The following TAF4B variants were observed in gnomAD, a reference collection of about 807,000 sequenced individuals.
TAF4B encodes the protein TATA-box binding protein associated factor 4b, also known as transcription initiation factor TFIID subunit 4B.
Under a neutral mutation model 86.4 loss-of-function variants are expected in TAF4B, and 38 were observed. The ratio of observed to expected loss-of-function variants is 0.44; its 90% CI spans 0.34 to 0.58. TAF4B has a LOEUF of 0.58. Among genes scored for constraint, TAF4B ranks in the 20% least tolerant of loss-of-function variants. The pLI is 0.02. For synonymous variants in TAF4B, 388 were observed against 391.2 expected, an observed-to-expected ratio of 0.99 and a Z score of 0.10; for missense variants, 988 against 1,027.6, an observed-to-expected ratio of 0.96 and a Z score of 0.53.
chr18:26,282,650 CTTAAA>C (rs1385990867), intron 6 of TAF4B, among the ~76,000 whole-genome samples: 3 of 152,166 alleles, frequency 2.0e-5, no homozygotes, highest in Non-Finnish European at 2.9e-5. Context: ...GTGGCAATGT[CTTAAA>C]TTAAGACAAC....
intron 13 of TAF4B, among the ~76,000 whole-genome samples, chr18:26,337,614 G>C (rs967104776): frequency 6.6e-6 from 1 of 151,746 alleles, no homozygotes; most frequent in Admixed American, 6.6e-5. Flanking sequence ...GTAGAGATGG[G>C]GTTTCACTAT....
intron 13 of TAF4B, among the ~76,000 whole-genome samples, chr18:26,341,710 A>G (rs1388598581): frequency 6.6e-6 from 1 of 152,154 alleles, no homozygotes; most frequent in African/African-American, 2.4e-5. Context: ...AGAAAAAAAA[A>G]TAGATTCTAA....
intron 13 of TAF4B, among the ~76,000 whole-genome samples, chr18:26,337,477 G>A (rs1283484304): frequency 7.1e-6 from 1 of 141,092 alleles, no homozygotes; most frequent in Non-Finnish European, 1.5e-5. Context: ...AGGCTGGAGT[G>A]CAGTGGCATG....
chr18:26,385,514 C>A (rs910658189), intron 14 of TAF4B, among the ~76,000 whole-genome samples: 2 of 151,800 alleles, frequency 1.3e-5, no homozygotes, highest in African/African-American at 4.8e-5. Context: ...AGTAGGCTTC[C>A]TAGGACATCT....
At chr18:26,371,189 T>G (rs1375704769) in intron 14 of TAF4B, among the ~76,000 whole-genome samples, 2 of 152,192 alleles carry the variant, frequency 1.3e-5, no homozygotes, top group Admixed American at 6.5e-5. Context: ...AACAGCATGC[T>G]CTAAATTCTA....
chr18:26,388,036 T>C (rs1567935264), intron 14 of TAF4B, among the ~76,000 whole-genome samples: 2 of 152,222 alleles, frequency 1.3e-5, no homozygotes, highest in Non-Finnish European at 2.9e-5. Flanking sequence ...TTAATTGTTA[T>C]AAAAGGACAG....
chr18:26,299,049 C>T (rs2056699239), intron 9 of TAF4B, among the ~76,000 whole-genome samples: 1 of 151,426 alleles, frequency 6.6e-6, no homozygotes, highest in Non-Finnish European at 1.5e-5. Flanking sequence ...TTAGTAGAGA[C>T]GGGGTTTCTC....
chr18:26,354,620 A>G (rs912003075), intron 13 of TAF4B, among the ~76,000 whole-genome samples: 1 of 152,206 alleles, frequency 6.6e-6, no homozygotes, highest in African/African-American at 2.4e-5. Context: ...GGCCTGGTTG[A>G]TAAGAGGGCT....
intron 1 of TAF4B, among the ~76,000 whole-genome samples, chr18:26,245,768 C>T (rs547537741): frequency 1.3e-5 from 2 of 152,346 alleles, no homozygotes; most frequent in African/African-American, 2.4e-5. Flanking sequence ...AGTCCGCACT[C>T]GACCCAGGAA....
chr18:26,280,815 AAAT>A (rs770086415), intron 5 of TAF4B, among the ~76,000 whole-genome samples: 3 of 152,188 alleles, frequency 2.0e-5, no homozygotes, highest in Non-Finnish European at 2.9e-5. Context: ...ATCCAAGAGA[AAAT>A]AAATCATTCT....
intron 1 of TAF4B, among the ~76,000 whole-genome samples, chr18:26,233,618 G>A (rs1418972551): frequency 6.6e-6 from 1 of 152,174 alleles, no homozygotes; most frequent in Non-Finnish European, 1.5e-5. Context: ...GCATAAAGGG[G>A]CTTGGGAAGT....
At position 26,244,379 on chromosome 18, in the gene TAF4B, C is replaced by A. The variant is rs142735995; in HGVS notation, c.343+17103C>A. ...TGGGCGTGGGACCCTCTGAGCCAGG[C>A]GCGTGATATAATCTCCTTGTGTGCT... is the stretch of plus-strand genomic sequence containing the variant. On this transcript the variant is annotated intron_variant, in intron 1 of 14. Transcript: ENST00000269142. Among the ~76,000 whole-genome samples, 304 of 152,326 alleles carry A rather than the reference C, an allele frequency of 2.0e-3. 2 individuals carry two copies. Among genetic ancestry groups the A allele is most frequent in the African/African-American group, 7.1e-3 (295 of 41,580 alleles).
At chr18:26,373,227 A>G (rs1021388053) in intron 14 of TAF4B, among the ~76,000 whole-genome samples, 6 of 152,190 alleles carry the variant, frequency 3.9e-5, no homozygotes, top group African/African-American at 9.6e-5. Flanking sequence ...ACCCCTTTCT[A>G]TGAGCCTTGC....
rs143773812 is a variant in TAF4B at position 26,265,410 on chromosome 18, A to G, written c.489+95A>G. 959 of 1,369,700 alleles carry G rather than the reference A, an allele frequency of 7.0e-4. 12 individuals carry two copies. The African/African-American group carries it at 0.012, about 18-fold the overall frequency. The allele number at this position is 1,369,700 out of a possible 1,614,324, so 84.8% of individuals were successfully genotyped here. On this transcript the variant is annotated intron_variant, in intron 2 of 14. Transcript: ENST00000269142. Reference sequence around the variant, plus strand: ...TATGTTTGCTAGTAAAAAATAATGTAAGACATGATTCTATTCAGCTTTTTA... The same window carrying G: ...TATGTTTGCTAGTAAAAAATAATGTGAGACATGATTCTATTCAGCTTTTTA...
chr18:26,345,103 A>G (rs898824485), intron 13 of TAF4B, among the ~76,000 whole-genome samples: 3 of 152,146 alleles, frequency 2.0e-5, no homozygotes, highest in Admixed American at 6.5e-5. Flanking sequence ...GATTAGGAAC[A>G]CCAAGATATG....
At chr18:26,381,595 C>T (rs2144382048) in intron 14 of TAF4B, among the ~76,000 whole-genome samples, 1 of 151,996 alleles carries the variant, frequency 6.6e-6, no homozygotes. Flanking sequence ...GGCTTGGTGG[C>T]AGGTGCTTGT....
At chr18:26,342,530 C>T (rs748249636) in intron 13 of TAF4B, among the ~76,000 whole-genome samples, 75 of 152,090 alleles carry the variant, frequency 4.9e-4, no homozygotes, top group African/African-American at 1.8e-3. Flanking sequence ...TCAAGAAGTA[C>T]GTCTATTGAA....
chr18:26,244,439 G>C lies in TAF4B; in HGVS notation c.343+17163G>C, dbSNP rs183061629. ...GACCATTGGAAAAGTGCAGTATTAG[G>C]ATGGGAGTGTCCTGATTTTCCAGGT... On this transcript the variant is annotated intron_variant, in intron 1 of 14. Transcript: ENST00000269142. 5.3e-5 allele frequency among the ~76,000 whole-genome samples: 8 copies of C among 152,338 alleles called. No individual in the cohort carries two copies. In the East Asian group the frequency reaches 1.5e-3, roughly 29 times the overall value.
rs1451601098 is a variant in TAF4B, at chr18:26,327,132, G to A, written c.2251G>A (p.Ala751Thr). 1.2e-6 allele frequency: 2 copies of A among 1,611,742 alleles called. No homozygotes were observed. Among genetic ancestry groups the A allele is most frequent in the Non-Finnish European group, 1.7e-6 (2 of 1,179,630 alleles). The change falls in exon 12 of 15, where the codon GCA becomes ACA. Residue 751 changes from alanine to threonine, a missense_variant. Around this residue, in one of 3 missense-constraint regions of TAF4B, gnomAD observed 216 missense variants for 238.4 expected, o/e 0.91. Coordinates refer to ENST00000269142, the MANE Select transcript of TAF4B (RefSeq NM_005640.3). ...DLEEREMLLK[A>T]AKSRSNKEDP... ...GGAAGAAAGAGAAATGTTACTTAAG[G>A]CAGCCAAGGTAAGGGCCAGTGTGAT...
Sources: allele counts gnomAD v4.1 joint callset (sites outside exome capture counted in the v4.1 genomes callset), GRCh38; gene constraint gnomAD v4.1.1; regional missense constraint gnomAD v4.1.1; transcripts MANE v1.5; gene names NCBI Gene and HGNC (gene_info 2026-07-23, HGNC 2026-07-21).